Variants in TBC1D22A observed in about 807,000 individuals in gnomAD.
TBC1D22A encodes the protein putative GTPase activator.
In TBC1D22A, 38 loss-of-function variants were observed where a neutral mutation model predicts 60.2. That is an observed-to-expected ratio of 0.63 (90% CI 0.49 to 0.83). The LOEUF (loss-of-function observed/expected upper bound fraction) is 0.83. Ranked by LOEUF, TBC1D22A falls within the 40% of genes least tolerant of loss-of-function variation. The pLI is 0.00. For synonymous variants in TBC1D22A, 302 were observed against 281.7 expected (o/e 1.07, Z -0.72); for missense variants, 628 against 701.0 (o/e 0.90, Z 1.18).
intron 7 of TBC1D22A, among the ~76,000 whole-genome samples, chr22:46,905,413 T>C (rs2069389736): frequency 6.6e-6 from 1 of 152,222 alleles, no homozygotes; most frequent in Non-Finnish European, 1.5e-5. Context: ...GGTCTGTGCC[T>C]GTCGCCTCTG....
At chr22:47,109,726 T>G (rs1368919237) in intron 11 of TBC1D22A, among the ~76,000 whole-genome samples, 1 of 152,194 alleles carries the variant, frequency 6.6e-6, no homozygotes, top group Non-Finnish European at 1.5e-5. Flanking sequence ...GCCCATAGTG[T>G]CAGAGTGGCT....
At chr22:46,941,608 G>GGGAATATATATA (rs2072103421) in intron 8 of TBC1D22A, among the ~76,000 whole-genome samples, 10 of 129,924 alleles carry the variant, frequency 7.7e-5, no homozygotes, top group African/African-American at 2.5e-4. Flanking sequence ...ATATATATAC[G>GGGAATATATATA]CGGAATATAT....
At chr22:46,950,229 G>A (rs1035331065) in intron 8 of TBC1D22A, among the ~76,000 whole-genome samples, 3 of 152,186 alleles carry the variant, frequency 2.0e-5, no homozygotes, top group Non-Finnish European at 2.9e-5. Flanking sequence ...TCAGAGGAAC[G>A]AGTGAGAGGG....
intron 11 of TBC1D22A, among the ~76,000 whole-genome samples, chr22:47,046,593 G>A (rs143336851): frequency 0.023 from 3,504 of 152,308 alleles, 63 homozygotes; most frequent in Admixed American, 0.038. Context: ...CTGGGCCCTG[G>A]CATGGGCATT....
chr22:47,055,162 C>T (rs1029369195), intron 11 of TBC1D22A, among the ~76,000 whole-genome samples: 2 of 152,256 alleles, frequency 1.3e-5, no homozygotes, highest in African/African-American at 4.8e-5. Flanking sequence ...CCCACACCTG[C>T]CAGGCTGGCC....
intron 4 of TBC1D22A, among the ~76,000 whole-genome samples, chr22:46,812,590 G>A (rs1256766517): frequency 6.6e-6 from 1 of 152,222 alleles, no homozygotes; most frequent in Non-Finnish European, 1.5e-5. Flanking sequence ...TGCTGGCTGT[G>A]TGTGGCTTTG....
chr22:47,011,837 T>C (rs1350707249), intron 10 of TBC1D22A, among the ~76,000 whole-genome samples: 1 of 152,180 alleles, frequency 6.6e-6, no homozygotes, highest in African/African-American at 2.4e-5. Context: ...AAAAGCTCTG[T>C]AATTTTACCA....
chr22:46,773,304 C>A (rs1453705502), intron 1 of TBC1D22A, among the ~76,000 whole-genome samples: 8 of 152,176 alleles, frequency 5.3e-5, no homozygotes, highest in Non-Finnish European at 4.4e-5. Flanking sequence ...GATGACCCAC[C>A]TGCGTAGTTC....
intron 6 of TBC1D22A, among the ~76,000 whole-genome samples, chr22:46,893,935 A>T (rs1602349319): frequency 6.6e-6 from 1 of 152,260 alleles, no homozygotes; most frequent in East Asian, 1.9e-4. Flanking sequence ...GTAGACAAGG[A>T]AACTGAGGCC....
intron 11 of TBC1D22A, among the ~76,000 whole-genome samples, chr22:47,109,818 A>C (rs528920372): frequency 1.3e-5 from 2 of 151,906 alleles, no homozygotes; most frequent in African/African-American, 2.4e-5. Context: ...TACATCTCGA[A>C]TGTGTCTTCC....
chr22:47,091,170 T>TCG, intron 11 of TBC1D22A, among the ~76,000 whole-genome samples: 1 of 85,728 alleles, frequency 1.2e-5, no homozygotes, highest in Admixed American at 1.4e-4. Flanking sequence ...GCACGAGAAG[T>TCG]TGGTGGGGAG....
At chr22:46,825,978 G>C (rs1373432408) in intron 4 of TBC1D22A, among the ~76,000 whole-genome samples, 1 of 151,330 alleles carries the variant, frequency 6.6e-6, no homozygotes, top group South Asian at 2.1e-4. Flanking sequence ...CATCTCCCGG[G>C]TTCACGCCAT....
intron 5 of TBC1D22A, among the ~76,000 whole-genome samples, chr22:46,890,847 G>C (rs2068361272): frequency 6.6e-6 from 1 of 152,218 alleles, no homozygotes; most frequent in Non-Finnish European, 1.5e-5. Flanking sequence ...TGCGTGGGGT[G>C]TGTGTGCGTG....
intron 5 of TBC1D22A, among the ~76,000 whole-genome samples, chr22:46,879,154 T>C (rs2067723172): frequency 6.6e-6 from 1 of 151,108 alleles, no homozygotes; most frequent in Admixed American, 6.6e-5. Context: ...GTAGCGCTGT[T>C]AGGAAAAGAG....
At chr22:46,966,775 A>T in intron 8 of TBC1D22A, among the ~76,000 whole-genome samples, 1 of 152,222 alleles carries the variant, frequency 6.6e-6, no homozygotes, top group Non-Finnish European at 1.5e-5. Flanking sequence ...TTTGTACAAA[A>T]AGTAGGCCAG....
Position 47,109,480 on chromosome 22 carries a change from G to C in TBC1D22A, c.1330-2028G>C, listed in dbSNP as rs925586820. On this transcript the variant is annotated intron_variant, in intron 11 of 12. Transcript: ENST00000337137. Reference sequence around the variant, plus strand: ...TTCTGTGGTCTGGCCCCAGCTCGCTGGTCATTCCTGTGGGTCGTTCAGTCC... The same window carrying C: ...TTCTGTGGTCTGGCCCCAGCTCGCTCGTCATTCCTGTGGGTCGTTCAGTCC... Among the ~76,000 whole-genome samples the C allele has an allele frequency of 2.0e-5, 3 of 152,274 alleles. No homozygotes were observed. In the South Asian group the frequency reaches 6.2e-4, roughly 32 times the overall value.
At chr22:46,948,520 A>G (rs1330515287) in intron 8 of TBC1D22A, among the ~76,000 whole-genome samples, 1 of 152,008 alleles carries the variant, frequency 6.6e-6, no homozygotes, top group African/African-American at 2.4e-5. Context: ...TCATCCCCCC[A>G]CGGTGGGTTT....
chr22:46,959,027 G>T (rs536880726), intron 8 of TBC1D22A, among the ~76,000 whole-genome samples: 1 of 152,094 alleles, frequency 6.6e-6, no homozygotes, highest in Non-Finnish European at 1.5e-5. Flanking sequence ...ATTGGCTGTC[G>T]CTCACTGAGG....
intron 10 of TBC1D22A, among the ~76,000 whole-genome samples, chr22:47,014,259 C>T (rs1009171721): frequency 2.0e-5 from 3 of 152,236 alleles, no homozygotes; most frequent in Non-Finnish European, 4.4e-5. Flanking sequence ...CAGGTCCTCC[C>T]ATCTGGCTTT....
Sources: allele counts gnomAD v4.1 joint callset (sites outside exome capture counted in the v4.1 genomes callset), GRCh38; gene constraint gnomAD v4.1.1; transcripts MANE v1.5; gene names NCBI Gene and HGNC (gene_info 2026-07-23, HGNC 2026-07-21).